The following TENM4 variants were observed in gnomAD, a reference collection of about 807,000 sequenced individuals.
TENM4 encodes the protein teneurin-4.
In TENM4, 82 loss-of-function variants were observed where a neutral mutation model predicts 243.3. The observed-to-expected ratio is 0.34, with a 90% CI of 0.28 to 0.40. TENM4 has a LOEUF of 0.40. Ranked by LOEUF, TENM4 falls within the 10% of genes least tolerant of loss-of-function variation. TENM4 has a pLI of 1.00. For missense variants in TENM4, 3,138 were observed against 3,673.3 expected (o/e 0.85, Z 3.77); for synonymous variants, 1,412 against 1,456.3 (o/e 0.97, Z 0.69).
chr11:79,336,194 G>A (rs1857145968), intron 1 of TENM4, among the ~76,000 whole-genome samples: 2 of 152,166 alleles, frequency 1.3e-5, no homozygotes, highest in South Asian at 4.1e-4. Flanking sequence ...GTGTCTTGAG[G>A]GGTGGGAAGG....
intron 3 of TENM4, among the ~76,000 whole-genome samples, chr11:79,163,234 C>T (rs979138669): frequency 2.0e-5 from 3 of 152,024 alleles, no homozygotes; most frequent in Admixed American, 2.0e-4. Flanking sequence ...GCATTTACTG[C>T]AGGCCAGGCA....
chr11:79,237,249 C>A (rs1018543163), intron 2 of TENM4, among the ~76,000 whole-genome samples: 24 of 152,148 alleles, frequency 1.6e-4, no homozygotes, highest in African/African-American at 5.3e-4. Flanking sequence ...CCTGTATTAA[C>A]TGGATGACTG....
At chr11:79,258,324 A>G (rs965034821) in intron 2 of TENM4, among the ~76,000 whole-genome samples, 5 of 152,244 alleles carry the variant, frequency 3.3e-5, no homozygotes, top group African/African-American at 1.2e-4. Context: ...ACACTGGTAC[A>G]GGTGACTATT....
chr11:79,085,277 T>G (rs1173041890), intron 4 of TENM4, among the ~76,000 whole-genome samples: 6 of 150,788 alleles, frequency 4.0e-5, no homozygotes, highest in Non-Finnish European at 8.8e-5. Context: ...CTCAGGAGGC[T>G]GAGGCAGGAG....
intron 6 of TENM4, among the ~76,000 whole-genome samples, chr11:79,017,721 C>T (rs965885258): frequency 2.0e-5 from 3 of 152,090 alleles, no homozygotes; most frequent in Non-Finnish European, 4.4e-5. Context: ...AGCAAGCAGG[C>T]AGAAGGCAGG....
At chr11:79,199,607 G>A (rs997571160) in intron 3 of TENM4, among the ~76,000 whole-genome samples, 1 of 152,172 alleles carries the variant, frequency 6.6e-6, no homozygotes. Flanking sequence ...AGCTCTCTCA[G>A]GGAATGCCCT....
At chr11:78,789,013 T>C (rs1591025179) in intron 15 of TENM4, among the ~76,000 whole-genome samples, 2 of 152,184 alleles carry the variant, frequency 1.3e-5, no homozygotes, top group Non-Finnish European at 2.9e-5. Flanking sequence ...CTTCCCATTT[T>C]TACATGGTAG....
chr11:78,978,190 C>T (rs531868657), intron 6 of TENM4, among the ~76,000 whole-genome samples: 1 of 151,574 alleles, frequency 6.6e-6, no homozygotes, highest in Non-Finnish European at 1.5e-5. Flanking sequence ...AAAACATACA[C>T]TGCAGCCTGT....
chr11:78,729,325 G>C (rs973429934), intron 22 of TENM4, 51 bp downstream of exon 22: 2 of 1,513,198 alleles, frequency 1.3e-6, no homozygotes, highest in Non-Finnish European at 1.8e-6. Flanking sequence ...GAGGTAGAAA[G>C]AGTCCTCCCT....
At chr11:79,085,541 T>C (rs1285099610) in intron 4 of TENM4, among the ~76,000 whole-genome samples, 1 of 152,118 alleles carries the variant, frequency 6.6e-6, no homozygotes, top group Non-Finnish European at 1.5e-5. Context: ...TATACCACCT[T>C]ACAGGGTTGT....
At chr11:78,857,431 C>T (rs1317904959) in intron 10 of TENM4, among the ~76,000 whole-genome samples, 1 of 152,150 alleles carries the variant, frequency 6.6e-6, no homozygotes, top group Non-Finnish European at 1.5e-5. Flanking sequence ...ACATTTGATG[C>T]TGAAATGAAG....
intron 2 of TENM4, among the ~76,000 whole-genome samples, chr11:79,272,934 C>T (rs1187859848): frequency 6.6e-6 from 1 of 152,170 alleles, no homozygotes; most frequent in African/African-American, 2.4e-5. Context: ...GTAATGTATG[C>T]AATTTTGCTT....
rs528656628 is a variant in TENM4 at position 79,154,716 on chromosome 11, GC to G, written c.-162-5911del. ...TACTCACTTGCAGGAGAGCTCCTTG[GC>G]CCCTCAGAGGAAGGAGTTTCCTCTA... On this transcript the variant is annotated intron_variant, in intron 3 of 33. Coordinates refer to ENST00000278550, the MANE Select transcript of TENM4 (RefSeq NM_001098816.3). 3.3e-5 allele frequency among the ~76,000 whole-genome samples: 5 copies of G among 152,092 alleles called. No individual in the cohort carries two copies. In the South Asian group the frequency reaches 8.3e-4, roughly 25 times the overall value.
chr11:79,362,025 T>C lies in TENM4; in HGVS notation c.-320-64482A>G, dbSNP rs78024385. ...AGTATCAGATGTTGGAGCAATATCA[T>C]ATGTATCTCGGGAGGCCTTCTGGAT... On this transcript the variant is annotated intron_variant, in intron 1 of 33. Transcript: ENST00000278550. 6.4e-3 allele frequency among the ~76,000 whole-genome samples: 980 copies of C among 152,330 alleles called. 8 individuals carry two copies. The highest frequency in any genetic ancestry group is 0.018 in the South Asian group (86 of 4,832).
intron 2 of TENM4, among the ~76,000 whole-genome samples, chr11:79,232,932 C>A (rs1286500010): frequency 6.6e-6 from 1 of 152,188 alleles, no homozygotes; most frequent in Non-Finnish European, 1.5e-5. Flanking sequence ...TGTACCATTG[C>A]CAACAGGTGA....
intron 4 of TENM4, chr11:79,096,244 G>A (rs1300279177): frequency 6.6e-6 from 1 of 152,080 alleles, no homozygotes; most frequent in Non-Finnish European, 1.5e-5. Flanking sequence ...GCTGGGTCCT[G>A]GCAAGCCACT....
At chr11:79,380,208 A>G (rs1469962848) in intron 1 of TENM4, among the ~76,000 whole-genome samples, 2 of 152,138 alleles carry the variant, frequency 1.3e-5, no homozygotes, top group African/African-American at 4.8e-5. Flanking sequence ...GCAAAGCAAG[A>G]TTGTCTAAAC....
chr11:79,195,503 G>T (rs919414940), intron 3 of TENM4, among the ~76,000 whole-genome samples: 4 of 152,216 alleles, frequency 2.6e-5, no homozygotes, highest in Non-Finnish European at 4.4e-5. Flanking sequence ...TCTTGCATCA[G>T]TGTGACCTAG....
chr11:78,900,540 T>A (rs945957550), intron 7 of TENM4, among the ~76,000 whole-genome samples: 1 of 152,194 alleles, frequency 6.6e-6, no homozygotes, highest in African/African-American at 2.4e-5. Context: ...GGAGAGAAGA[T>A]GTATATGAAA....
Sources: gnomAD v4.1 joint callset for allele counts (sites outside exome capture counted in the v4.1 genomes callset) on GRCh38, gnomAD v4.1.1 for gene constraint, MANE v1.5 for transcripts, NCBI Gene and HGNC (gene_info 2026-07-23, HGNC 2026-07-21) for gene names.